Variants in WDFY3 observed in about 807,000 individuals in gnomAD.
The protein encoded by WDFY3 is WD repeat and FYVE domain containing 3, also known as WD repeat and FYVE domain-containing protein 3.
A neutral mutation model predicts 409.6 loss-of-function variants in WDFY3; 66 were observed. The ratio of observed to expected loss-of-function variants is 0.16; its 90% CI spans 0.13 to 0.20. The LOEUF (loss-of-function observed/expected upper bound fraction) is 0.20. WDFY3 is among the 10% of genes least tolerant of loss of function. The pLI is 1.00. For synonymous variants in WDFY3, 1,521 were observed against 1,537.1 expected (o/e 0.99, Z 0.25); for missense variants, 3,031 against 4,298.1 (o/e 0.71, Z 8.24).
chr4:84,823,271 A>C (rs1052307776), intron 10 of WDFY3, among the ~76,000 whole-genome samples: 2 of 152,146 alleles, frequency 1.3e-5, no homozygotes, highest in African/African-American at 4.8e-5. Flanking sequence ...CTTACTTTCT[A>C]CCCTCTATGA....
chr4:84,693,130 C>G (rs1186035485), intron 58 of WDFY3, 98 bp from the exon 59 acceptor site: 13 of 1,271,474 alleles, frequency 1.0e-5, no homozygotes, highest in Non-Finnish European at 1.4e-5. Context: ...TTAAGGTTCA[C>G]AAGAACTATT....
At chr4:84,837,924 G>C (rs1203407323) in intron 6 of WDFY3, among the ~76,000 whole-genome samples, 1 of 152,130 alleles carries the variant, frequency 6.6e-6, no homozygotes, top group African/African-American at 2.4e-5. Flanking sequence ...GACCACAGTC[G>C]ACTGGAATTA....
intron 3 of WDFY3, among the ~76,000 whole-genome samples, chr4:84,886,927 T>C (rs1017272050): frequency 4.6e-5 from 7 of 152,194 alleles, no homozygotes; most frequent in Admixed American, 4.6e-4. Flanking sequence ...TCTCTCAGTC[T>C]TCTTATGAAT....
rs1020794222 is a variant in WDFY3 at position 84,801,863 on chromosome 4, T to A, written c.2609A>T (p.His870Leu). ...CACGGCAAGTTGAAGATCCAAAGCA[T>A]GCTAAAATCAACAAAGAAATCCACA... is the stretch of plus-strand genomic sequence containing the variant. ...ASVGSVTQPEHALDLQLAVAN... is the reference protein window; with the variant it reads ...ASVGSVTQPELALDLQLAVAN... The change falls in exon 17 of 68, where the codon CAT becomes CTT. Residue 870 changes from histidine (H) to leucine (L), a missense_variant and splice_region_variant. Transcript: ENST00000295888. 4.3e-6 allele frequency: 7 copies of A among 1,613,032 alleles called. No homozygotes were observed. The African/African-American group carries it at 8.0e-5, about 18-fold the overall frequency.
chr4:84,856,131 ATCTC>A (rs1361394247), intron 4 of WDFY3, among the ~76,000 whole-genome samples: 6 of 152,188 alleles, frequency 3.9e-5, no homozygotes, highest in Non-Finnish European at 5.9e-5. Flanking sequence ...CTGCCTTCTG[ATCTC>A]TCTCTTATTT....
chr4:84,696,861 A>T (rs1331434786), intron 56 of WDFY3, 38 bp from the exon 57 acceptor site: 2 of 1,552,320 alleles, frequency 1.3e-6, no homozygotes, highest in African/African-American at 1.4e-5. Flanking sequence ...AAAAAAAGAA[A>T]GAATGGGATA....
chr4:84,800,532 A>G lies in WDFY3; in HGVS notation c.2822+1118T>C, dbSNP rs185208272. ...AATAAAAAGAAAAAACTACTGATAC[A>G]TGTAACAACTTGTGTGCAGCTCAAG... On this transcript the variant is annotated intron_variant, in intron 17 of 67. Transcript: ENST00000295888. Among the ~76,000 whole-genome samples the G allele has an allele frequency of 3.9e-5, 6 of 152,334 alleles. No individual in the cohort carries two copies. In the South Asian group the frequency reaches 1.0e-3, roughly 26 times the overall value.
intron 1 of WDFY3, among the ~76,000 whole-genome samples, chr4:84,939,754 G>A (rs932353653): frequency 6.6e-6 from 1 of 151,520 alleles, no homozygotes; most frequent in Admixed American, 6.6e-5. Flanking sequence ...TTCTCGCATT[G>A]AAAAATAATC....
intron 2 of WDFY3, among the ~76,000 whole-genome samples, chr4:84,899,944 G>A (rs1303164105): frequency 6.6e-6 from 1 of 152,138 alleles, no homozygotes; most frequent in Non-Finnish European, 1.5e-5. Context: ...AGCTGCTCAA[G>A]AAGCTGAGAC....
intron 1 of WDFY3, among the ~76,000 whole-genome samples, chr4:84,946,785 C>T (rs181251750): frequency 4.6e-5 from 7 of 152,022 alleles, no homozygotes; most frequent in African/African-American, 7.2e-5. Flanking sequence ...CTGATCTGAA[C>T]GAGGTTAATT....
intron 27 of WDFY3, among the ~76,000 whole-genome samples, chr4:84,777,181 G>C (rs1745701234): frequency 6.6e-6 from 1 of 152,070 alleles, no homozygotes; most frequent in Admixed American, 6.5e-5. Context: ...GCTAAGTTCA[G>C]TTAAGGTGTT....
intron 64 of WDFY3, among the ~76,000 whole-genome samples, chr4:84,679,841 T>TACAC (rs954549793): frequency 3.0e-4 from 42 of 141,308 alleles, no homozygotes; most frequent in African/African-American, 9.2e-4. Flanking sequence ...TATATATATA[T>TACAC]ACACACACAC....
At chr4:84,710,401 T>C (rs1732686609) in intron 51 of WDFY3, among the ~76,000 whole-genome samples, 1 of 152,194 alleles carries the variant, frequency 6.6e-6, no homozygotes, top group East Asian at 1.9e-4. Context: ...TTCCTTAAAA[T>C]GTTATAAAAT....
At chr4:84,911,279 G>A (rs1054838877) in intron 2 of WDFY3, among the ~76,000 whole-genome samples, 24 of 152,104 alleles carry the variant, frequency 1.6e-4, no homozygotes, top group Non-Finnish European at 1.5e-4. Flanking sequence ...TTGAAGCCAG[G>A]AGTTTGAGAC....
intron 55 of WDFY3, among the ~76,000 whole-genome samples, chr4:84,702,797 G>GT (rs1731258244): frequency 6.6e-6 from 1 of 152,226 alleles, no homozygotes; most frequent in African/African-American, 2.4e-5. Flanking sequence ...GGACAAGGCT[G>GT]TAAGAAATAT....
intron 1 of WDFY3, among the ~76,000 whole-genome samples, chr4:84,943,701 T>C (rs1241427202): frequency 6.6e-6 from 1 of 152,114 alleles, no homozygotes; most frequent in Non-Finnish European, 1.5e-5. Context: ...AATAAATTTA[T>C]TGAAAAACAA....
chr4:84,868,637 C>A (rs1761760433), intron 3 of WDFY3, among the ~76,000 whole-genome samples: 1 of 152,044 alleles, frequency 6.6e-6, no homozygotes. Context: ...AAACATATTC[C>A]AAAGCCAAAA....
chr4:84,838,195 C>T (rs1284279569), intron 6 of WDFY3, among the ~76,000 whole-genome samples: 1 of 152,184 alleles, frequency 6.6e-6, no homozygotes, highest in Non-Finnish European at 1.5e-5. Context: ...CCTTGAATTA[C>T]TGTTTACTAT....
intron 64 of WDFY3, 111 bp from the exon 65 acceptor site, chr4:84,679,353 T>C: frequency 1.8e-6 from 2 of 1,089,790 alleles, no homozygotes; most frequent in Non-Finnish European, 2.4e-6. Context: ...AGACATAATA[T>C]TTTAAGCTAA....
Sources: gnomAD v4.1 joint callset for allele counts (sites outside exome capture counted in the v4.1 genomes callset) on GRCh38, gnomAD v4.1.1 for gene constraint, MANE v1.5 for transcripts, NCBI Gene and HGNC (gene_info 2026-07-23, HGNC 2026-07-21) for gene names.